Variants in PCDHA9 observed in about 807,000 individuals in gnomAD.
PCDHA9 encodes protocadherin alpha-9.
Under a neutral mutation model 62.0 loss-of-function variants are expected in PCDHA9, and 62 were observed. The ratio of observed to expected loss-of-function variants is 1.00; its 90% CI spans 0.81 to 1.23. The LOEUF (loss-of-function observed/expected upper bound fraction) is 1.23, where lower values mean the gene tolerates loss of function less well. Among genes scored for constraint, PCDHA9 ranks in the 50% most tolerant of loss-of-function variants. The pLI, the probability that PCDHA9 is intolerant of heterozygous loss-of-function variation, is 0.00. For missense variants in PCDHA9, 1,205 were observed against 1,249.8 expected (o/e 0.96, Z 0.54); for synonymous variants, 557 against 567.6 (o/e 0.98, Z 0.27).
chr5:140,871,361 G>C (rs1554165481), intron 1 of PCDHA9: 4 of 1,614,220 alleles, frequency 2.5e-6, no homozygotes, highest in South Asian at 2.2e-5. Flanking sequence ...TCGCAGCAGA[G>C]GCGGCAGAGG....
At chr5:140,935,104 A>C (rs1233919640) in intron 1 of PCDHA9, among the ~76,000 whole-genome samples, 1 of 152,126 alleles carries the variant, frequency 6.6e-6, no homozygotes, top group South Asian at 2.1e-4. Flanking sequence ...GCCATTTTTC[A>C]AAGAGCTTTC....
intron 1 of PCDHA9, chr5:140,866,915 A>C (rs1413291718): frequency 6.6e-6 from 1 of 152,138 alleles, no homozygotes. Context: ...CTCAAAGATG[A>C]GTTCAAAGGG....
intron 1 of PCDHA9, among the ~76,000 whole-genome samples, chr5:140,917,038 C>T (rs1342700377): frequency 6.6e-6 from 1 of 152,168 alleles, no homozygotes; most frequent in African/African-American, 2.4e-5. Context: ...CTGAGTCCAG[C>T]ACAGTGTTGT....
rs1342551274 is a variant in PCDHA9, at chr5:140,871,604, T to C, written c.2394+20715T>C. 4 of 1,443,096 alleles carry C rather than the reference T, an allele frequency of 2.8e-6. No homozygotes were observed. In the African/African-American group the frequency reaches 4.3e-5, roughly 16 times the overall value. The allele number at this position is 1,443,096 out of a possible 1,614,324, so 89.4% of individuals were successfully genotyped here. A position where few individuals can be genotyped will look rare whatever the true frequency, so the allele number is the denominator to read the frequency against. On this transcript the variant is annotated intron_variant, in intron 1 of 3. Coordinates refer to ENST00000532602, the MANE Select transcript of PCDHA9 (RefSeq NM_031857.2). The stretch of plus-strand genomic sequence containing the variant: ...AAAGTTTTATGAATAACCAGTGTTT[T>C]GAATATTGTTTTAGATAACAATGTC...
intron 1 of PCDHA9, among the ~76,000 whole-genome samples, chr5:140,923,395 G>A (rs782033907): frequency 6.6e-6 from 1 of 152,240 alleles, no homozygotes; most frequent in South Asian, 2.1e-4. Flanking sequence ...GGGCATGGTG[G>A]TGTGTGCCTA....
At chr5:140,950,549 G>A (rs1023288540) in intron 1 of PCDHA9, among the ~76,000 whole-genome samples, 1 of 151,948 alleles carries the variant, frequency 6.6e-6, no homozygotes, top group African/African-American at 2.4e-5. Context: ...TGCATGGCTG[G>A]GGGGACACTT....
At chr5:140,975,068 C>G (rs1273763502) in intron 1 of PCDHA9, among the ~76,000 whole-genome samples, 2 of 152,134 alleles carry the variant, frequency 1.3e-5, no homozygotes, top group Non-Finnish European at 2.9e-5. Context: ...CGAGCTCATT[C>G]AGATTGTTGG....
chr5:140,875,987 TA>T (rs1165213326), intron 1 of PCDHA9: 1 of 1,613,914 alleles, frequency 6.2e-7, no homozygotes, highest in East Asian at 2.2e-5. Context: ...ACCTATGCGT[TA>T]AGTCTAAATG....
chr5:140,850,192 T>A lies in PCDHA9; in HGVS notation c.1697T>A (p.Leu566Gln), dbSNP rs2150472322. The A allele has an allele frequency of 6.3e-7, 1 of 1,593,512 alleles. No individual in the cohort carries two copies. ...LDENDNAPAL[L>Q]TPRMRGTDGA... ...GAGAACGACAATGCGCCGGCGCTGC[T>A]GACACCTCGGATGAGGGGCACTGAC... is the stretch of plus-strand genomic sequence containing the variant. Residue 566 changes from leucine (L) to glutamine (Q), a missense_variant, in exon 1 of 4, where the codon CTG (leucine) becomes CAG (glutamine). Transcript: ENST00000532602.
chr5:140,881,456 T>C, intron 1 of PCDHA9: 1 of 690,256 alleles, frequency 1.4e-6, no homozygotes, highest in Non-Finnish European at 1.8e-6. Context: ...TCCAAAACCT[T>C]AGAGCATTGT....
intron 1 of PCDHA9, chr5:140,869,565 A>G: frequency 6.2e-7 from 1 of 1,614,190 alleles, no homozygotes; most frequent in Non-Finnish European, 8.5e-7. Flanking sequence ...GTTTTCCACT[A>G]GAGGGAGCTT....
intron 1 of PCDHA9, chr5:140,863,153 A>T (rs1554157836): frequency 1.6e-6 from 1 of 625,716 alleles, no homozygotes; most frequent in South Asian, 1.4e-5. Flanking sequence ...GTGAAGGACC[A>T]CTGCGAGCTG....
At chr5:140,968,353 C>A (rs1377792748) in intron 1 of PCDHA9, 1 of 1,614,106 alleles carries the variant, frequency 6.2e-7, no homozygotes, top group Non-Finnish European at 8.5e-7. Context: ...GTGCCAGTGG[C>A]AGCCTTTATG....
intron 1 of PCDHA9, chr5:140,870,144 T>C (rs782683134): frequency 1.9e-6 from 3 of 1,614,058 alleles, no homozygotes; most frequent in Admixed American, 1.7e-5. Flanking sequence ...ATAACTCTCC[T>C]GAAGTCGCCG....
At chr5:140,991,022 C>T (rs1324609159) in intron 3 of PCDHA9, among the ~76,000 whole-genome samples, 1 of 152,164 alleles carries the variant, frequency 6.6e-6, no homozygotes, top group Non-Finnish European at 1.5e-5. Flanking sequence ...AAGCACTTTA[C>T]ATATGTTGCA....
intron 1 of PCDHA9, among the ~76,000 whole-genome samples, chr5:140,925,538 C>T (rs1387501905): frequency 6.6e-6 from 1 of 151,860 alleles, no homozygotes; most frequent in Non-Finnish European, 1.5e-5. Flanking sequence ...AGGAGAAATA[C>T]CTAATGTAAA....
At chr5:140,974,828 A>T (rs2096642920) in intron 1 of PCDHA9, among the ~76,000 whole-genome samples, 1 of 152,188 alleles carries the variant, frequency 6.6e-6, no homozygotes, top group Non-Finnish European at 1.5e-5. Flanking sequence ...CAACATAATG[A>T]TTATTTTAAA....
intron 1 of PCDHA9, among the ~76,000 whole-genome samples, chr5:140,960,819 G>A (rs1287793882): frequency 1.3e-5 from 2 of 152,146 alleles, no homozygotes; most frequent in Admixed American, 6.5e-5. Context: ...CCCAAGTGAT[G>A]AATGGAAACT....
chr5:140,959,480 T>C (rs1554224103), intron 1 of PCDHA9, among the ~76,000 whole-genome samples: 1 of 152,222 alleles, frequency 6.6e-6, no homozygotes, highest in Non-Finnish European at 1.5e-5. Context: ...TCAAGGCATA[T>C]TGTTATATAT....
Sources: allele counts gnomAD v4.1 joint callset (sites outside exome capture counted in the v4.1 genomes callset), GRCh38; gene constraint gnomAD v4.1.1; transcripts MANE v1.5; gene names NCBI Gene and HGNC (gene_info 2026-07-23, HGNC 2026-07-21).